The following DAB1 variants were observed in gnomAD, a reference collection of about 807,000 sequenced individuals.
The protein encoded by DAB1 is DAB adaptor protein 1.
DAB1 carries 15 observed loss-of-function variants against 64.6 expected under a neutral mutation model. The observed-to-expected ratio is 0.23, with a 90% CI of 0.16 to 0.36. The LOEUF (loss-of-function observed/expected upper bound fraction) is 0.36. Among genes scored for constraint, DAB1 ranks in the 10% least tolerant of loss-of-function variants. The pLI, the probability that DAB1 is intolerant of heterozygous loss-of-function variation, is 1.00. For missense variants in DAB1, 596 were observed against 706.7 expected, an observed-to-expected ratio of 0.84 and a Z score of 1.78; for synonymous variants, 235 against 251.9, an observed-to-expected ratio of 0.93 and a Z score of 0.64.
chr1:57,072,535 A>G, intron 4 of DAB1, 121 bp from the exon 5 acceptor site: 1 of 1,010,272 alleles, frequency 9.9e-7, no homozygotes, highest in Non-Finnish European at 1.4e-6. Context: ...AAAGCTGTTT[A>G]GTCCAGATGG....
At chr1:58,230,988 G>C (rs562109478) in intron 4 of DAB1, among the ~76,000 whole-genome samples, 1 of 152,340 alleles carries the variant, frequency 6.6e-6, no homozygotes, top group South Asian at 2.1e-4. Context: ...GAAGCAAGTT[G>C]CTTAACCACA....
chr1:57,319,537 C>A (rs1206852497), intron 1 of DAB1, among the ~76,000 whole-genome samples: 1 of 152,098 alleles, frequency 6.6e-6, no homozygotes, highest in African/African-American at 2.4e-5. Flanking sequence ...CACAAAACAC[C>A]CCCTCCCCCA....
At chr1:57,365,141 T>C (rs1247502958) in intron 1 of DAB1, among the ~76,000 whole-genome samples, 8 of 144,102 alleles carry the variant, frequency 5.6e-5, no homozygotes, top group African/African-American at 2.0e-4. Flanking sequence ...TAAGAATATA[T>C]ATTTTTTATT....
At chr1:57,004,370 C>T (rs1013535971) in intron 14 of DAB1, among the ~76,000 whole-genome samples, 1 of 152,228 alleles carries the variant, frequency 6.6e-6, no homozygotes, top group Non-Finnish European at 1.5e-5. Context: ...AGATTGACTA[C>T]CTTTGACAAA....
At chr1:57,732,953 G>A (rs1264614418) in intron 6 of DAB1, among the ~76,000 whole-genome samples, 1 of 152,166 alleles carries the variant, frequency 6.6e-6, no homozygotes, top group Non-Finnish European at 1.5e-5. Context: ...AAAGGGCCCT[G>A]ATTTTCCTTT....
chr1:58,116,393 T>G (rs910208473), intron 5 of DAB1, among the ~76,000 whole-genome samples: 1 of 152,352 alleles, frequency 6.6e-6, no homozygotes, highest in Non-Finnish European at 1.5e-5. Context: ...TTATGATTTG[T>G]TGCTACACAC....
At chr1:58,229,436 A>C (rs1218032695) in intron 4 of DAB1, among the ~76,000 whole-genome samples, 2 of 152,212 alleles carry the variant, frequency 1.3e-5, no homozygotes, top group Non-Finnish European at 2.9e-5. Context: ...TGCATCTTGG[A>C]ACCAGGTCCT....
chr1:57,819,630 G>A (rs1178930103), intron 6 of DAB1, among the ~76,000 whole-genome samples: 2 of 152,196 alleles, frequency 1.3e-5, no homozygotes, highest in East Asian at 1.9e-4. Context: ...CATCTTTCCT[G>A]AGGAGTCTGA....
intron 2 of DAB1, among the ~76,000 whole-genome samples, chr1:58,507,116 AT>A (rs1251709761): frequency 6.6e-6 from 1 of 152,018 alleles, no homozygotes; most frequent in Non-Finnish European, 1.5e-5. Flanking sequence ...ACATTATTTT[AT>A]AATTAAAATT....
chr1:57,939,523 A>G (rs760292985), intron 5 of DAB1, among the ~76,000 whole-genome samples: 2 of 152,224 alleles, frequency 1.3e-5, no homozygotes, highest in Non-Finnish European at 2.9e-5. Context: ...GTTCAATTTC[A>G]TCAGCTCTCT....
chr1:57,505,816 G>A (rs1039153622), intron 7 of DAB1, among the ~76,000 whole-genome samples: 14 of 151,928 alleles, frequency 9.2e-5, no homozygotes, highest in African/African-American at 3.1e-4. Flanking sequence ...GACTACAGGT[G>A]CATGCCACCA....
intron 4 of DAB1, among the ~76,000 whole-genome samples, chr1:57,126,608 T>C (rs1657149238): frequency 6.6e-6 from 1 of 152,218 alleles, no homozygotes. Context: ...AAATGACACG[T>C]ATGTCAAGCT....
chr1:57,305,021 A>G (rs1292280852), intron 1 of DAB1, among the ~76,000 whole-genome samples: 1 of 152,128 alleles, frequency 6.6e-6, no homozygotes, highest in African/African-American at 2.4e-5. Context: ...ACACTTCCTC[A>G]CCTATTCAAA....
intron 1 of DAB1, among the ~76,000 whole-genome samples, chr1:57,875,548 T>C (rs571949271): frequency 2.0e-5 from 3 of 152,176 alleles, no homozygotes; most frequent in Non-Finnish European, 4.4e-5. Context: ...AACATACTGC[T>C]CTGGGACAGG....
At chr1:57,791,578 T>C (rs1323838) in intron 6 of DAB1, among the ~76,000 whole-genome samples, 57,864 of 152,022 alleles carry the variant, frequency 0.38, 11,415 homozygotes, top group South Asian at 0.49. Flanking sequence ...CATTCTTTGA[T>C]GATAATAACC....
chr1:57,757,258 T>C (rs1479976443), intron 6 of DAB1, among the ~76,000 whole-genome samples: 2 of 142,664 alleles, frequency 1.4e-5, no homozygotes, highest in East Asian at 4.0e-4. Flanking sequence ...AGGGTTCAAG[T>C]CAAATGGACC....
At chr1:57,310,510 C>A (rs532572973) in intron 1 of DAB1, among the ~76,000 whole-genome samples, 5 of 152,282 alleles carry the variant, frequency 3.3e-5, no homozygotes, top group African/African-American at 1.2e-4. Context: ...AGAGTCCTCG[C>A]TGCTAAGTGG....
chr1:57,884,551 A>T (rs750822616), upstream of DAB1, among the ~76,000 whole-genome samples: 7 of 152,290 alleles, frequency 4.6e-5, no homozygotes, highest in Non-Finnish European at 8.8e-5. Context: ...ACCTTAAAGC[A>T]GAATTATTGG....
At chr1:58,441,023 G>C (rs1320529812) in intron 3 of DAB1, among the ~76,000 whole-genome samples, 1 of 152,210 alleles carries the variant, frequency 6.6e-6, no homozygotes, top group Non-Finnish European at 1.5e-5. Flanking sequence ...AGAGGCAAGG[G>C]AGTTGGGGCA....
Sources: gnomAD v4.1 joint callset for allele counts (sites outside exome capture counted in the v4.1 genomes callset) on GRCh38, gnomAD v4.1.1 for gene constraint, MANE v1.5 for transcripts, NCBI Gene and HGNC (gene_info 2026-07-23, HGNC 2026-07-21) for gene names.